The following CCDC59 variants were observed in gnomAD, a reference collection of about 807,000 sequenced individuals.
The protein encoded by CCDC59 is thyroid transcription factor 1-associated protein 26.
A neutral mutation model predicts 30.5 loss-of-function variants in CCDC59; 27 were observed. The observed-to-expected ratio is 0.89, with a 90% CI of 0.65 to 1.22. CCDC59 has a LOEUF of 1.22. Ranked by LOEUF, CCDC59 falls within the 50% of genes most tolerant of loss-of-function variation. The probability of loss-of-function intolerance (pLI) is 0.00; values close to 1 mark genes in which losing one functional copy is unlikely to be tolerated. For synonymous variants in CCDC59, 125 were observed against 100.9 expected (o/e 1.24, Z -1.43); for missense variants, 362 against 284.4 (o/e 1.27, Z -1.96).
chr12:82,354,732 G>A, intron 2 of CCDC59, 138 bp from the exon 3 acceptor site: 14 of 619,038 alleles, frequency 2.3e-5, no homozygotes, highest in South Asian at 1.7e-4. Context: ...ATTTCAACTA[G>A]GAAAAAATAT....
chr12:82,357,482 T>C (rs1881127994), intron 1 of CCDC59, among the ~76,000 whole-genome samples: 1 of 152,212 alleles, frequency 6.6e-6, no homozygotes, highest in African/African-American at 2.4e-5. Context: ...CTAACAGTCA[T>C]GCGGAAATCC....
chr12:82,358,529 A>G (rs768466364), upstream of CCDC59: 3 of 1,601,506 alleles, frequency 1.9e-6, no homozygotes, highest in East Asian at 2.2e-5. Flanking sequence ...CCTCACGGCC[A>G]TGTTTGCGCC....
chr12:82,358,571 G>A, upstream of CCDC59: 1 of 1,610,328 alleles, frequency 6.2e-7, no homozygotes, highest in Non-Finnish European at 8.5e-7. Context: ...GCGTCATGGC[G>A]GCTTCTTGCC....
chr12:82,358,733 G>C (rs574306275), upstream of CCDC59: 9 of 1,614,174 alleles, frequency 5.6e-6, no homozygotes, highest in South Asian at 7.7e-5. Context: ...TGCCACCGGA[G>C]ACAGTGCTGG....
At chr12:82,358,552 G>C (rs200200219), upstream of CCDC59, 13 of 1,607,798 alleles carry the variant, frequency 8.1e-6, no homozygotes, top group African/African-American at 1.3e-5. Flanking sequence ...CTACAGCCTC[G>C]GAGGGTGAGC....
At position 82,352,480 on chromosome 12, in the gene CCDC59, G is replaced by C. The variant is rs1412812584; in HGVS notation, c.*671C>G. The C allele has an allele frequency of 6.6e-6, 1 of 152,232 alleles. No individual in the cohort carries two copies. The highest frequency in any genetic ancestry group is 2.4e-5 in the African/African-American group (1 of 41,458). The allele number at this position is 152,232 out of a possible 1,614,324, so 9.4% of individuals were successfully genotyped here. ...TCAGCTCACAAGGGTACCAACAAGG[G>C]AGACAGAGATAATGTTCTTAAAGTA... is the stretch of plus-strand genomic sequence containing the variant. On this transcript the variant is annotated 3_prime_UTR_variant, in exon 4 of 4. Transcript: ENST00000256151.
chr12:82,358,568 G>A (rs779827844), upstream of CCDC59: 10 of 1,610,110 alleles, frequency 6.2e-6, no homozygotes, highest in Non-Finnish European at 6.8e-6. Flanking sequence ...TGAGCGTCAT[G>A]GCGGCTTCTT....
chr12:82,358,380 A>T lies in CCDC59; in HGVS notation c.-4T>A. 2 of 1,613,090 alleles carry T rather than the reference A, an allele frequency of 1.2e-6. No homozygotes were observed. The highest frequency in any genetic ancestry group is 2.2e-5 in the South Asian group (2 of 91,078). On this transcript the variant is annotated 5_prime_UTR_variant, in exon 1 of 4. Coordinates refer to ENST00000256151, the MANE Select transcript of CCDC59 (RefSeq NM_014167.5). The stretch of plus-strand genomic sequence containing the variant: ...CGGACCGCCTCACCGGCGCCATTGC[A>T]GCCGACTAACTGCGTCATCAGAAGA...
intron 2 of CCDC59, among the ~76,000 whole-genome samples, chr12:82,356,423 CAAT>C (rs1463165662): frequency 2.6e-5 from 4 of 152,164 alleles, no homozygotes; most frequent in Non-Finnish European, 2.9e-5. Flanking sequence ...GTCTTCACAA[CAAT>C]GTCATGAAAC....
At position 82,353,053 on chromosome 12, in the gene CCDC59, T is replaced by C. The variant is rs1173018604; in HGVS notation, c.*98A>G. 2 of 895,562 alleles carry C rather than the reference T, an allele frequency of 2.2e-6. No homozygotes were observed. The highest frequency in any genetic ancestry group is 1.7e-5 in the African/African-American group (1 of 59,552). The allele number at this position is 895,562 out of a possible 1,614,324, so 55.5% of individuals were successfully genotyped here. ...TCTTATATTTAGCATAGTTTAGCAA[T>C]CCAGTTTATGTCGACAAATTTAGTT... On this transcript the variant is annotated 3_prime_UTR_variant, in exon 4 of 4. Coordinates refer to ENST00000256151, the MANE Select transcript of CCDC59 (RefSeq NM_014167.5).
At chr12:82,356,816 C>A in intron 2 of CCDC59, 144 bp downstream of exon 2, 1 of 624,054 alleles carries the variant, frequency 1.6e-6, no homozygotes, top group South Asian at 2.7e-5. Flanking sequence ...AAAATAGAGC[C>A]TCCATGAAAA....
intron 3 of CCDC59, 129 bp from the exon 4 acceptor site, chr12:82,353,441 T>G: frequency 1.5e-6 from 1 of 665,488 alleles, no homozygotes; most frequent in Non-Finnish European, 2.4e-6. Flanking sequence ...AGATGTGCAC[T>G]GTTTCTCCTA....
chr12:82,358,330 T>C lies in CCDC59; in HGVS notation c.47A>G (p.Glu16Gly). 1 of 1,614,030 alleles carries C rather than the reference T, an allele frequency of 6.2e-7. No individual in the cohort carries two copies. Among genetic ancestry groups the C allele is most frequent in the Non-Finnish European group, 8.5e-7 (1 of 1,180,008 alleles). Residue 16 changes from glutamate to glycine, a missense_variant, in exon 1 of 4, where the codon GAG becomes GGG. Transcript: ENST00000256151. ...RSAKWRPGGI[E>G]ARGEGVSTVG... ...AGTGGAAACCCCTTCACCACGCGCCTCAATACCACCAGGCCGCCACTTCGC... is the reference window on the plus strand; with the variant it reads ...AGTGGAAACCCCTTCACCACGCGCCCCAATACCACCAGGCCGCCACTTCGC...
At chr12:82,356,442 AG>A (rs1161486209) in intron 2 of CCDC59, among the ~76,000 whole-genome samples, 4 of 152,226 alleles carry the variant, frequency 2.6e-5, no homozygotes, top group African/African-American at 9.6e-5. Flanking sequence ...GAAACACCTT[AG>A]GAACACCTGA....
chr12:82,358,154 C>T (rs999480573), intron 1 of CCDC59, 69 bp downstream of exon 1: 91 of 1,576,776 alleles, frequency 5.8e-5, no homozygotes, highest in Non-Finnish European at 7.6e-5. Flanking sequence ...TTCTTCCAAG[C>T]TTCAGCGAAT....
At position 82,354,494 on chromosome 12, in the gene CCDC59, C is replaced by A; in HGVS notation, c.564+1G>T. On this transcript the variant is annotated splice_donor_variant, in intron 3 of 3. Coordinates refer to ENST00000256151, the MANE Select transcript of CCDC59 (RefSeq NM_014167.5). LOFTEE classifies it high-confidence loss of function. ...CTAAATATTTTCAAAGTAGAACTTACTTGTTTCTTAGCAGCACGTTTGGCT... is the reference window on the plus strand; with the variant it reads ...CTAAATATTTTCAAAGTAGAACTTAATTGTTTCTTAGCAGCACGTTTGGCT... 2.5e-6 allele frequency: 4 copies of A among 1,575,378 alleles called. No individual in the cohort carries two copies. The highest frequency in any genetic ancestry group is 3.5e-6 in the Non-Finnish European group (4 of 1,157,712).
At position 82,354,489 on chromosome 12, in the gene CCDC59, A is replaced by C; in HGVS notation, c.564+6T>G. 1 of 1,580,106 alleles carries C rather than the reference A, an allele frequency of 6.3e-7. No homozygotes were observed. The highest frequency in any genetic ancestry group is 8.6e-7 in the Non-Finnish European group (1 of 1,162,256). ...CTATACTAAATATTTTCAAAGTAGA[A>C]CTTACTTGTTTCTTAGCAGCACGTT... On this transcript the variant is annotated splice_donor_region_variant and intron_variant, in intron 3 of 3. Coordinates refer to ENST00000256151, the MANE Select transcript of CCDC59 (RefSeq NM_014167.5).
chr12:82,352,566 T>TTA lies in CCDC59; in HGVS notation c.*584_*585insTA, dbSNP rs1209275735. On this transcript the variant is annotated 3_prime_UTR_variant, in exon 4 of 4. Transcript: ENST00000256151. ...TGTGACACTGTGGGGTTTCCATCAT[T>TTA]ATTTAAAAGACCTTAGACTAACAAG... 2 of 152,208 alleles carry TTA rather than the reference T, an allele frequency of 1.3e-5. No individual in the cohort carries two copies. The highest frequency in any genetic ancestry group is 3.8e-4 in the East Asian group (2 of 5,204). The allele number at this position is 152,208 out of a possible 1,614,324, so 9.4% of individuals were successfully genotyped here.
chr12:82,356,883 T>G, intron 2 of CCDC59, 77 bp downstream of exon 2: 1 of 1,142,890 alleles, frequency 8.7e-7, no homozygotes, highest in Non-Finnish European at 1.2e-6. Context: ...AAAATACAAT[T>G]CCTATATAAA....
Sources: gnomAD v4.1 joint callset for allele counts (sites outside exome capture counted in the v4.1 genomes callset) on GRCh38, gnomAD v4.1.1 for gene constraint, MANE v1.5 for transcripts, NCBI Gene and HGNC (gene_info 2026-07-23, HGNC 2026-07-21) for gene names.